KIAA1328: variants seen among roughly 807,000 people sequenced by gnomAD.
KIAA1328 encodes the protein KIAA1328, also known as protein hinderin.
KIAA1328 carries 52 observed loss-of-function variants against 68.1 expected under a neutral mutation model. The observed-to-expected ratio is 0.76, with a 90% CI of 0.61 to 0.96. The LOEUF (loss-of-function observed/expected upper bound fraction) is 0.96, where lower values mean the gene tolerates loss of function less well. KIAA1328 is among the 40% of genes least tolerant of loss of function. The pLI is 0.00. For synonymous variants in KIAA1328, 232 were observed against 239.4 expected (o/e 0.97, Z 0.28); for missense variants, 641 against 677.6 (o/e 0.95, Z 0.60).
At position 37,222,913 on chromosome 18, in the gene KIAA1328, C is replaced by A; in HGVS notation, c.*686C>A. 1.0e-6 allele frequency: 1 copy of A among 985,780 alleles called. No individual in the cohort carries two copies. The highest frequency in any genetic ancestry group is 1.2e-6 in the Non-Finnish European group (1 of 830,310). 61.1% of individuals were successfully genotyped at this position (985,780 alleles called of 1,614,324 possible). A position where few individuals can be genotyped will look rare whatever the true frequency, so the allele number is the denominator to read the frequency against. ...TAAATCACATCAGGGAGTGATTAGTCCTGGGGAAATTCAGTGGAGGCACAA... is the reference window on the plus strand; with the variant it reads ...TAAATCACATCAGGGAGTGATTAGTACTGGGGAAATTCAGTGGAGGCACAA... On this transcript the variant is annotated 3_prime_UTR_variant, in exon 10 of 10. Coordinates refer to ENST00000280020, the MANE Select transcript of KIAA1328 (RefSeq NM_020776.3).
At chr18:37,214,834 T>TGGTTTGTAG (rs2060394420) in intron 9 of KIAA1328, among the ~76,000 whole-genome samples, 1 of 152,234 alleles carries the variant, frequency 6.6e-6, no homozygotes, top group South Asian at 2.1e-4. Flanking sequence ...CATTGAGCAG[T>TGGTTTGTAG]GGTTTGTAGT....
chr18:36,914,342 G>C (rs1472893452), intron 5 of KIAA1328, among the ~76,000 whole-genome samples: 2 of 152,136 alleles, frequency 1.3e-5, no homozygotes, highest in African/African-American at 4.8e-5. Context: ...TTAGCTTTAA[G>C]TTTTGATTAT....
intron 6 of KIAA1328, among the ~76,000 whole-genome samples, chr18:36,982,097 TATATA>T (rs1434752013): frequency 2.8e-5 from 4 of 144,200 alleles, no homozygotes; most frequent in Non-Finnish European, 4.5e-5. Context: ...TATTATATTA[TATATA>T]ATATAATTAT....
intron 7 of KIAA1328, among the ~76,000 whole-genome samples, chr18:37,129,695 A>G (rs1296686833): frequency 6.6e-6 from 1 of 152,236 alleles, no homozygotes; most frequent in African/African-American, 2.4e-5. Flanking sequence ...GTAAATATTT[A>G]CATAATCATA....
At chr18:36,882,307 A>T (rs2048351160) in intron 4 of KIAA1328, among the ~76,000 whole-genome samples, 1 of 152,202 alleles carries the variant, frequency 6.6e-6, no homozygotes. Flanking sequence ...GTCTGAGAAT[A>T]CTTAGATGAA....
chr18:36,878,692 C>A (rs1277842561), intron 4 of KIAA1328, among the ~76,000 whole-genome samples: 1 of 152,124 alleles, frequency 6.6e-6, no homozygotes, highest in Non-Finnish European at 1.5e-5. Flanking sequence ...TCCCATATTT[C>A]TTGGAGGCTT....
At chr18:36,988,946 T>C (rs1239629041) in intron 6 of KIAA1328, among the ~76,000 whole-genome samples, 1 of 152,202 alleles carries the variant, frequency 6.6e-6, no homozygotes, top group African/African-American at 2.4e-5. Flanking sequence ...AATGAGTTAA[T>C]AAATGTAAAA....
chr18:37,013,996 G>C (rs1341146580), intron 6 of KIAA1328, among the ~76,000 whole-genome samples: 1 of 152,100 alleles, frequency 6.6e-6, no homozygotes, highest in Admixed American at 6.6e-5. Flanking sequence ...CCGCATCCTC[G>C]CCAGCATCTG....
intron 5 of KIAA1328, among the ~76,000 whole-genome samples, chr18:36,888,869 G>T (rs1027973407): frequency 3.3e-5 from 5 of 152,052 alleles, no homozygotes; most frequent in Non-Finnish European, 7.4e-5. Context: ...CATGAAATCA[G>T]ATAATTTCAG....
chr18:36,963,677 C>T (rs2051794388), intron 6 of KIAA1328, among the ~76,000 whole-genome samples: 1 of 152,164 alleles, frequency 6.6e-6, no homozygotes, highest in Non-Finnish European at 1.5e-5. Context: ...ACCTAATTCT[C>T]TTCCCACTTC....
chr18:37,012,441 T>C (rs1170433386), intron 6 of KIAA1328, among the ~76,000 whole-genome samples: 2 of 152,174 alleles, frequency 1.3e-5, no homozygotes, highest in African/African-American at 4.8e-5. Context: ...TGCTTGCCAG[T>C]GGTAACAAAA....
intron 8 of KIAA1328, among the ~76,000 whole-genome samples, chr18:37,165,626 T>G (rs1051287033): frequency 2.0e-4 from 30 of 150,206 alleles, no homozygotes; most frequent in African/African-American, 7.1e-4. Flanking sequence ...GTTTTTGATC[T>G]TGTTTCCCAG....
At chr18:36,856,852 CT>C (rs1205343626) in intron 4 of KIAA1328, among the ~76,000 whole-genome samples, 1 of 152,182 alleles carries the variant, frequency 6.6e-6, no homozygotes, top group East Asian at 1.9e-4. Context: ...TTGAGGTCTG[CT>C]GTTGCCTGTT....
intron 6 of KIAA1328, among the ~76,000 whole-genome samples, chr18:37,066,450 G>A (rs1215217496): frequency 6.6e-6 from 1 of 152,222 alleles, no homozygotes; most frequent in African/African-American, 2.4e-5. Flanking sequence ...AGTATAAGGT[G>A]AAATGTTTTA....
intron 6 of KIAA1328, among the ~76,000 whole-genome samples, chr18:37,015,307 T>G (rs569422287): frequency 6.6e-6 from 1 of 152,338 alleles, no homozygotes; most frequent in East Asian, 1.9e-4. Flanking sequence ...CAGATGGCTC[T>G]TGTTGTGTGG....
At chr18:36,829,549 G>C (rs996303708) in intron 1 of KIAA1328, 3 of 749,824 alleles carry the variant, frequency 4.0e-6, no homozygotes, top group Non-Finnish European at 5.1e-6. Context: ...ACTTGAGTGT[G>C]CGGAGCTAGC....
At chr18:36,980,094 C>A (rs2052624485) in intron 6 of KIAA1328, among the ~76,000 whole-genome samples, 1 of 152,206 alleles carries the variant, frequency 6.6e-6, no homozygotes, top group Non-Finnish European at 1.5e-5. Context: ...AAAGTGCCAT[C>A]TTAGAAGCAG....
At chr18:36,845,567 T>C (rs1428398826) in intron 4 of KIAA1328, among the ~76,000 whole-genome samples, 1 of 151,720 alleles carries the variant, frequency 6.6e-6, no homozygotes, top group Non-Finnish European at 1.5e-5. Flanking sequence ...AGCTGCAGAC[T>C]GAGAATAAAA....
At chr18:37,021,352 A>C (rs2054339169) in intron 6 of KIAA1328, among the ~76,000 whole-genome samples, 1 of 152,254 alleles carries the variant, frequency 6.6e-6, no homozygotes, top group African/African-American at 2.4e-5. Flanking sequence ...TTATTAATAG[A>C]ACACATTATT....
Sources: gnomAD v4.1 joint callset for allele counts (sites outside exome capture counted in the v4.1 genomes callset) on GRCh38, gnomAD v4.1.1 for gene constraint, MANE v1.5 for transcripts, NCBI Gene and HGNC (gene_info 2026-07-23, HGNC 2026-07-21) for gene names.